Variants in CPEB3 observed in about 807,000 individuals in gnomAD.
CPEB3 encodes cytoplasmic polyadenylation element-binding protein 3.
CPEB3 carries 20 observed loss-of-function variants against 67.2 expected under a neutral mutation model. The ratio of observed to expected loss-of-function variants is 0.30; its 90% CI spans 0.21 to 0.43. The LOEUF (loss-of-function observed/expected upper bound fraction) is 0.43. Ranked by LOEUF, CPEB3 falls within the 20% of genes least tolerant of loss-of-function variation. The pLI is 1.00. For synonymous variants in CPEB3, 376 were observed against 393.1 expected (o/e 0.96, Z 0.51); for missense variants, 746 against 968.6 (o/e 0.77, Z 3.05).
chr10:92,246,511 CTT>C (rs755522694), intron 1 of CPEB3, among the ~76,000 whole-genome samples: 6 of 143,846 alleles, frequency 4.2e-5, no homozygotes, highest in Admixed American at 7.0e-5. Context: ...AGGATGTCAA[CTT>C]TTTTTTTTTT....
At position 92,286,638 on chromosome 10, in the gene CPEB3, T is replaced by G. The variant is rs565032111; in HGVS notation, c.-12+4288A>C. Among the ~76,000 whole-genome samples, 274 of 151,610 alleles carry G rather than the reference T, an allele frequency of 1.8e-3. 1 individual carries two copies. Among genetic ancestry groups the G allele is most frequent in the African/African-American group, 6.4e-3 (266 of 41,280 alleles). The stretch of plus-strand genomic sequence containing the variant: ...TTATAATTTGCTACTAGCATACCTA[T>G]GCATATATTTTCTGGAAACACCTGC... On this transcript the variant is annotated intron_variant, in intron 1 of 9. Coordinates refer to ENST00000265997, the MANE Select transcript of CPEB3 (RefSeq NM_014912.5).
At chr10:92,172,123 C>G (rs889220517) in intron 4 of CPEB3, among the ~76,000 whole-genome samples, 14 of 152,046 alleles carry the variant, frequency 9.2e-5, no homozygotes, top group African/African-American at 3.1e-4. Context: ...TAACAAGACC[C>G]TGTCTCTACA....
At chr10:92,062,435 A>G (rs1842390885) in intron 9 of CPEB3, among the ~76,000 whole-genome samples, 1 of 152,146 alleles carries the variant, frequency 6.6e-6, no homozygotes, top group African/African-American at 2.4e-5. Flanking sequence ...GTTGGCTCGT[A>G]TTGAAGGGTG....
At chr10:92,217,235 T>TTATA (rs1220387438) in intron 2 of CPEB3, among the ~76,000 whole-genome samples, 5 of 115,804 alleles carry the variant, frequency 4.3e-5, no homozygotes, top group African/African-American at 1.6e-4. Context: ...AAAAAAAAAA[T>TTATA]TATATATATA....
intron 9 of CPEB3, among the ~76,000 whole-genome samples, chr10:92,058,552 AATACATACATACATACATACATACATAC>A (rs58987766): frequency 7.2e-6 from 1 of 138,670 alleles, no homozygotes; most frequent in African/African-American, 2.7e-5. Context: ...CCATCTCAAA[AATACATACATACATACATACATACATAC>A]ATACATACAT....
chr10:92,280,795 C>A (rs1480041178), intron 1 of CPEB3, among the ~76,000 whole-genome samples: 2 of 118,240 alleles, frequency 1.7e-5, no homozygotes, highest in Non-Finnish European at 3.2e-5. Context: ...GTTTTGCTCT[C>A]GTCGCCCAGG....
intron 4 of CPEB3, among the ~76,000 whole-genome samples, chr10:92,179,342 T>C (rs1213253743): frequency 1.3e-5 from 2 of 152,182 alleles, no homozygotes; most frequent in Admixed American, 6.5e-5. Context: ...TCCATTTTTT[T>C]CCCACAAAAA....
At chr10:92,235,754 C>T (rs968744206) in intron 2 of CPEB3, among the ~76,000 whole-genome samples, 1 of 152,208 alleles carries the variant, frequency 6.6e-6, no homozygotes, top group Non-Finnish European at 1.5e-5. Flanking sequence ...TTGCTTATGA[C>T]AGAAATTATC....
intron 3 of CPEB3, 95 bp downstream of exon 3, chr10:92,192,382 G>A (rs1214954222): frequency 4.5e-5 from 56 of 1,244,758 alleles, no homozygotes; most frequent in Middle Eastern, 3.9e-4. Context: ...ACAAAAACAA[G>A]CAAACAAAAA....
chr10:92,191,416 A>G, intron 3 of CPEB3, among the ~76,000 whole-genome samples: 1 of 151,970 alleles, frequency 6.6e-6, no homozygotes, highest in East Asian at 1.9e-4. Flanking sequence ...AAAATAAAAA[A>G]AAAATAAACT....
At chr10:92,059,325 C>CAAAAAAAAAAAAAAAA (rs61034093) in intron 9 of CPEB3, among the ~76,000 whole-genome samples, 3 of 101,204 alleles carry the variant, frequency 3.0e-5, no homozygotes, top group African/African-American at 3.7e-5. Flanking sequence ...GAAACTCTGT[C>CAAAAAAAAAAAAAAAA]AAAAAAAAAA....
At chr10:92,070,528 G>A (rs1433226044) in intron 9 of CPEB3, among the ~76,000 whole-genome samples, 2 of 152,106 alleles carry the variant, frequency 1.3e-5, no homozygotes, top group Non-Finnish European at 2.9e-5. Context: ...TGTAATCCCA[G>A]CACTTTGGGA....
chr10:92,103,967 G>C (rs56715066), intron 7 of CPEB3, among the ~76,000 whole-genome samples: 88 of 152,282 alleles, frequency 5.8e-4, no homozygotes, highest in African/African-American at 1.9e-3. Flanking sequence ...TTTTTCCTGG[G>C]AAGATGCCTA....
Position 92,239,481 on chromosome 10 carries a change from C to T in CPEB3, c.870G>A (p.Ser290=), listed in dbSNP as rs768321938. The change falls in exon 2 of 10, where the codon TCG becomes TCA. Residue 290 remains serine (S), a synonymous_variant. Coordinates refer to ENST00000265997, the MANE Select transcript of CPEB3 (RefSeq NM_014912.5). This position sits in a 1 kb window ranked among gnomAD's most constrained non-coding sequence, Gnocchi z 6.0. ...VGVPSPLNPI[S]PLKKPFSSNV... is the part of the protein sequence containing the mutation. The stretch of plus-strand genomic sequence containing the variant: ...TGCTGGAGAAGGGCTTTTTGAGCGG[C>T]GAGATGGGGTTGAGCGGGGAAGGCA... 19 of 1,591,044 alleles carry T rather than the reference C, an allele frequency of 1.2e-5. No individual in the cohort carries two copies. Among genetic ancestry groups the T allele is most frequent in the Non-Finnish European group, 6.0e-6 (7 of 1,168,508 alleles).
chr10:92,277,423 C>T (rs982429157), intron 1 of CPEB3, among the ~76,000 whole-genome samples: 9 of 152,150 alleles, frequency 5.9e-5, no homozygotes, highest in Admixed American at 2.0e-4. Flanking sequence ...ATTGTTTTGG[C>T]ATCCTTGTCA....
In CPEB3 at chr10:92,271,887, T is replaced by G. The variant is rs138042498; in HGVS notation, c.-12+19039A>C. Among the ~76,000 whole-genome samples the G allele has an allele frequency of 9.2e-5, 14 of 152,294 alleles. No homozygotes were observed. In the East Asian group the frequency reaches 2.7e-3, roughly 29 times the overall value. ...TCTTGTGGTGTTTGCAAATGGTGAT[T>G]TCGTATTTTTATCAACCCTTCTACC... is the stretch of plus-strand genomic sequence containing the variant. On this transcript the variant is annotated intron_variant, in intron 1 of 9. Coordinates refer to ENST00000265997, the MANE Select transcript of CPEB3 (RefSeq NM_014912.5).
chr10:92,254,228 T>TA (rs1376722078), intron 1 of CPEB3, among the ~76,000 whole-genome samples: 1 of 145,082 alleles, frequency 6.9e-6, no homozygotes, highest in African/African-American at 2.8e-5. Context: ...GACCCTGCCT[T>TA]TAAAAAAAAA....
intron 4 of CPEB3, among the ~76,000 whole-genome samples, chr10:92,171,762 G>A (rs1474305166): frequency 6.6e-6 from 1 of 151,994 alleles, no homozygotes; most frequent in Non-Finnish European, 1.5e-5. Flanking sequence ...TTACAGGAAT[G>A]CACCACCATG....
At chr10:92,164,080 A>C (rs904931504) in intron 4 of CPEB3, among the ~76,000 whole-genome samples, 13 of 152,210 alleles carry the variant, frequency 8.5e-5, no homozygotes, top group African/African-American at 2.9e-4. Context: ...AAGGAGAATG[A>C]CGATCATAAA....
Sources: gnomAD v4.1 joint callset for allele counts (sites outside exome capture counted in the v4.1 genomes callset) on GRCh38, gnomAD v4.1.1 for gene constraint, Gnocchi (gnomAD v3.1) non-coding constraint, MANE v1.5 for transcripts, NCBI Gene and HGNC (gene_info 2026-07-23, HGNC 2026-07-21) for gene names.